SLC41A2: variants seen among roughly 807,000 people sequenced by gnomAD.
The protein encoded by SLC41A2 is solute carrier family 41 member 2.
A neutral mutation model predicts 58.3 loss-of-function variants in SLC41A2; 32 were observed. The ratio of observed to expected loss-of-function variants is 0.55; its 90% CI spans 0.41 to 0.74. The LOEUF (loss-of-function observed/expected upper bound fraction) is 0.74, where lower values mean the gene tolerates loss of function less well. Among genes scored for constraint, SLC41A2 ranks in the 30% least tolerant of loss-of-function variants. SLC41A2 has a pLI of 0.00. For missense variants in SLC41A2, 514 were observed against 680.6 expected, an observed-to-expected ratio of 0.76 and a Z score of 2.72; for synonymous variants, 190 against 235.0, an observed-to-expected ratio of 0.81 and a Z score of 1.75.
chr12:104,862,470 A>T (rs547919449), intron 7 of SLC41A2, among the ~76,000 whole-genome samples: 50 of 152,298 alleles, frequency 3.3e-4, no homozygotes, highest in Admixed American at 1.9e-3. Flanking sequence ...CATGTTGTGG[A>T]TATAACATAA....
chr12:104,815,546 A>G (rs1014277060), intron 10 of SLC41A2, among the ~76,000 whole-genome samples: 2 of 152,212 alleles, frequency 1.3e-5, no homozygotes, highest in African/African-American at 4.8e-5. Flanking sequence ...TTGTGTTAGC[A>G]TCCCCTTAAT....
chr12:104,850,155 G>C (rs1211918109), intron 8 of SLC41A2, among the ~76,000 whole-genome samples: 1 of 152,142 alleles, frequency 6.6e-6, no homozygotes, highest in African/African-American at 2.4e-5. Flanking sequence ...CCTCTGGCCA[G>C]GTCTACTGTT....
At chr12:104,893,021 A>T (rs1383046740) in intron 4 of SLC41A2, among the ~76,000 whole-genome samples, 2 of 152,212 alleles carry the variant, frequency 1.3e-5, no homozygotes, top group Non-Finnish European at 2.9e-5. Flanking sequence ...CAAGTTTAAA[A>T]CTTTCTGCAC....
chr12:104,813,190 AAAAAT>A (rs990239836), intron 10 of SLC41A2, among the ~76,000 whole-genome samples: 26 of 152,236 alleles, frequency 1.7e-4, no homozygotes, highest in African/African-American at 6.0e-4. Flanking sequence ...AAAAAGAAAA[AAAAAT>A]AAAATAAAAA....
chr12:104,922,402 A>G (rs1026049825), intron 2 of SLC41A2, among the ~76,000 whole-genome samples: 2 of 152,172 alleles, frequency 1.3e-5, no homozygotes, highest in Non-Finnish European at 2.9e-5. Flanking sequence ...ACTACAAATC[A>G]AAGACAGTAA....
At chr12:104,947,805 T>G (rs1329631815) in intron 1 of SLC41A2, among the ~76,000 whole-genome samples, 1 of 152,274 alleles carries the variant, frequency 6.6e-6, no homozygotes, top group East Asian at 1.9e-4. Flanking sequence ...TTTTTTAATT[T>G]AAATATCATA....
At chr12:104,867,113 T>C (rs2043506450) in intron 6 of SLC41A2, among the ~76,000 whole-genome samples, 1 of 152,148 alleles carries the variant, frequency 6.6e-6, no homozygotes, top group Admixed American at 6.5e-5. Context: ...TTTTTGTCCA[T>C]AGGGATCTTA....
At chr12:104,845,997 G>T in intron 8 of SLC41A2, 23 bp from the exon 9 acceptor site, 4 of 1,605,680 alleles carry the variant, frequency 2.5e-6, no homozygotes, top group Non-Finnish European at 3.4e-6. Flanking sequence ...GAAAAACAAA[G>T]TAGCAATCCT....
At chr12:104,853,747 G>GTATGTATGTATA (rs1195566260) in intron 8 of SLC41A2, among the ~76,000 whole-genome samples, 1 of 144,394 alleles carries the variant, frequency 6.9e-6, no homozygotes, top group Non-Finnish European at 1.5e-5. Flanking sequence ...ATGTATGTAT[G>GTATGTATGTATA]TATGTATGTA....
chr12:104,868,572 C>T (rs1160960930), intron 6 of SLC41A2, among the ~76,000 whole-genome samples: 2 of 152,072 alleles, frequency 1.3e-5, no homozygotes, highest in Non-Finnish European at 2.9e-5. Context: ...TAACTTGACC[C>T]AGCAATTCTA....
chr12:104,808,084 C>A (rs571572392), intron 10 of SLC41A2, among the ~76,000 whole-genome samples: 90 of 152,272 alleles, frequency 5.9e-4, no homozygotes, highest in Non-Finnish European at 1.0e-3. Flanking sequence ...ATTGCCCTGG[C>A]CAGAACTTCC....
At chr12:104,878,337 A>T (rs973435976) in intron 6 of SLC41A2, among the ~76,000 whole-genome samples, 1 of 146,308 alleles carries the variant, frequency 6.8e-6, no homozygotes, top group African/African-American at 2.5e-5. Flanking sequence ...ACATTTTTTA[A>T]GTTCTAGGGT....
At chr12:104,933,583 T>C (rs1039257207) in intron 1 of SLC41A2, among the ~76,000 whole-genome samples, 7 of 148,966 alleles carry the variant, frequency 4.7e-5, no homozygotes, top group Non-Finnish European at 8.8e-5. Flanking sequence ...TGCACGCGTA[T>C]GTTTATCTGT....
At chr12:104,906,928 G>T (rs1034898364) in intron 3 of SLC41A2, among the ~76,000 whole-genome samples, 1 of 152,110 alleles carries the variant, frequency 6.6e-6, no homozygotes, top group Non-Finnish European at 1.5e-5. Flanking sequence ...CCTCAGAGAA[G>T]TCTTTCCTGA....
At chr12:104,811,675 T>A (rs937817616) in intron 10 of SLC41A2, among the ~76,000 whole-genome samples, 3 of 152,198 alleles carry the variant, frequency 2.0e-5, no homozygotes, top group African/African-American at 7.2e-5. Flanking sequence ...TCCTATTACT[T>A]CCTGTATGTT....
intron 3 of SLC41A2, among the ~76,000 whole-genome samples, chr12:104,904,133 C>T (rs1055014944): frequency 6.6e-6 from 1 of 152,164 alleles, no homozygotes; most frequent in African/African-American, 2.4e-5. Flanking sequence ...TCAAAACAGA[C>T]TGGTGTTTTA....
intron 10 of SLC41A2, among the ~76,000 whole-genome samples, chr12:104,807,972 C>T (rs559890105): frequency 9.9e-5 from 15 of 152,268 alleles, no homozygotes; most frequent in African/African-American, 2.6e-4. Flanking sequence ...TGGGCTGAGA[C>T]GATGGGGTTT....
At chr12:104,953,717 G>A (rs1016892936) in intron 1 of SLC41A2, among the ~76,000 whole-genome samples, 40 of 152,134 alleles carry the variant, frequency 2.6e-4, no homozygotes, top group Non-Finnish European at 4.7e-4. Flanking sequence ...CAGCTTTACC[G>A]GAAATGAAAA....
intron 1 of SLC41A2, among the ~76,000 whole-genome samples, chr12:104,945,085 C>T (rs1002075446): frequency 2.7e-5 from 4 of 150,554 alleles, no homozygotes; most frequent in Non-Finnish European, 4.4e-5. Flanking sequence ...GCAGGAGAAT[C>T]GTTTGAACCC....
Sources: gnomAD v4.1 joint callset for allele counts (sites outside exome capture counted in the v4.1 genomes callset) on GRCh38, gnomAD v4.1.1 for gene constraint, MANE v1.5 for transcripts, NCBI Gene and HGNC (gene_info 2026-07-23, HGNC 2026-07-21) for gene names.